DNAAF4: variants seen among roughly 807,000 people sequenced by gnomAD.
DNAAF4 encodes the protein dynein axonemal assembly factor 4.
In DNAAF4, 43 loss-of-function variants were observed where a neutral mutation model predicts 51.8. That is an observed-to-expected ratio of 0.83 (90% CI 0.65 to 1.07). DNAAF4 has a LOEUF of 1.07. DNAAF4 is among the 50% of genes least tolerant of loss of function. The pLI is 0.00. For synonymous variants in DNAAF4, 194 were observed against 165.6 expected, an observed-to-expected ratio of 1.17 and a Z score of -1.32; for missense variants, 581 against 493.0, an observed-to-expected ratio of 1.18 and a Z score of -1.69.
chr15:55,439,812 G>C (rs1341478385), intron 6 of DNAAF4, among the ~76,000 whole-genome samples: 1 of 152,060 alleles, frequency 6.6e-6, no homozygotes, highest in African/African-American at 2.4e-5. Context: ...GGTCATGAGA[G>C]GAGAGCTCCC....
chr15:55,507,094 G>A (rs575674869), intron 1 of DNAAF4, among the ~76,000 whole-genome samples: 9 of 152,100 alleles, frequency 5.9e-5, no homozygotes, highest in African/African-American at 9.6e-5. Flanking sequence ...CAGGTGATCC[G>A]TTCACTTCCA....
chr15:55,462,992 C>T (rs983375787), intron 5 of DNAAF4, among the ~76,000 whole-genome samples: 2 of 152,042 alleles, frequency 1.3e-5, no homozygotes, highest in African/African-American at 2.4e-5. Context: ...GCCAACATGG[C>T]GAAACCCTGT....
chr15:55,458,659 T>C lies in DNAAF4; in HGVS notation c.637+8271A>G, dbSNP rs559544305. On this transcript the variant is annotated intron_variant, in intron 5 of 9. Coordinates refer to ENST00000321149, the MANE Select transcript of DNAAF4 (RefSeq NM_130810.4). Reference sequence around the variant, plus strand: ...AAAACTTCCATGGTCTTGCTAGAGATCTAGACATCCAAATACAAGAAGCTC... The same window carrying C: ...AAAACTTCCATGGTCTTGCTAGAGACCTAGACATCCAAATACAAGAAGCTC... Among the ~76,000 whole-genome samples the C allele has an allele frequency of 1.4e-4, 21 of 152,262 alleles. 1 individual carries two copies. The South Asian group carries it at 4.4e-3, about 32-fold the overall frequency.
intron 3 of DNAAF4, among the ~76,000 whole-genome samples, chr15:55,496,749 T>C (rs918650794): frequency 6.6e-6 from 1 of 152,196 alleles, no homozygotes; most frequent in Non-Finnish European, 1.5e-5. Flanking sequence ...AAGCCTTTTT[T>C]TTTTTCTAAA....
At chr15:55,484,698 G>T (rs1203351718) in intron 4 of DNAAF4, among the ~76,000 whole-genome samples, 1 of 151,996 alleles carries the variant, frequency 6.6e-6, no homozygotes, top group African/African-American at 2.4e-5. Flanking sequence ...ACAATCACAA[G>T]GTATCACAAT....
intron 4 of DNAAF4, among the ~76,000 whole-genome samples, chr15:55,478,877 A>T (rs2058371230): frequency 6.6e-6 from 1 of 152,088 alleles, no homozygotes; most frequent in South Asian, 2.1e-4. Flanking sequence ...AAGAAGCCAA[A>T]ATTTTGGTCA....
chr15:55,494,320 C>T (rs560394605), intron 3 of DNAAF4, among the ~76,000 whole-genome samples: 4 of 152,216 alleles, frequency 2.6e-5, no homozygotes, highest in South Asian at 2.1e-4. Context: ...TGAGCCAGCG[C>T]GCCCGGCAAA....
chr15:55,453,172 A>C (rs114580512), intron 5 of DNAAF4, among the ~76,000 whole-genome samples: 1,524 of 152,280 alleles, frequency 0.01, 22 homozygotes, highest in African/African-American at 0.034. Flanking sequence ...CTGCTCACTA[A>C]TCTTAGAAAG....
intron 1 of DNAAF4, among the ~76,000 whole-genome samples, chr15:55,503,208 T>A (rs1290278698): frequency 6.6e-6 from 1 of 151,866 alleles, no homozygotes; most frequent in Non-Finnish European, 1.5e-5. Flanking sequence ...ACATACACCC[T>A]CCCAAAACTA....
chr15:55,425,530 C>T (rs551832308), downstream of DNAAF4, among the ~76,000 whole-genome samples: 60 of 152,212 alleles, frequency 3.9e-4, no homozygotes, highest in South Asian at 0.012. Flanking sequence ...AACTAAGCCT[C>T]GTTCCATGCT....
chr15:55,506,183 C>T (rs1009748951), intron 1 of DNAAF4, among the ~76,000 whole-genome samples: 3 of 151,906 alleles, frequency 2.0e-5, no homozygotes, highest in Non-Finnish European at 2.9e-5. Flanking sequence ...CCCTCTTTCT[C>T]AATAATAAAC....
intron 8 of DNAAF4, among the ~76,000 whole-genome samples, chr15:55,433,812 A>T (rs1418353068): frequency 2.3e-5 from 2 of 88,350 alleles, no homozygotes; most frequent in East Asian, 2.7e-4. Context: ...TTATATATAT[A>T]ATATATATTA....
At chr15:55,424,236 G>A (rs2057411438) in intron 7 of DNAAF4, among the ~76,000 whole-genome samples, 1 of 152,070 alleles carries the variant, frequency 6.6e-6, no homozygotes, top group Non-Finnish European at 1.5e-5. Context: ...CTTTCTTCTT[G>A]CATGCTGTCT....
rs191633418 is a variant in DNAAF4 at position 55,442,347 on chromosome 15, G to A, written c.784-2766C>T. ...TTGTCCAGACTGATCTTGAACTCCTGAGCTCAGGCAATCCACCCGCCTTGG... is the reference window on the plus strand; with the variant it reads ...TTGTCCAGACTGATCTTGAACTCCTAAGCTCAGGCAATCCACCCGCCTTGG... On this transcript the variant is annotated intron_variant, in intron 6 of 9. Coordinates refer to ENST00000321149, the MANE Select transcript of DNAAF4 (RefSeq NM_130810.4). Among the ~76,000 whole-genome samples the A allele has an allele frequency of 2.3e-3, 351 of 152,244 alleles. 8 individuals carry two copies. The highest frequency in any genetic ancestry group is 8.5e-4 in the Non-Finnish European group (58 of 68,016).
intron 3 of DNAAF4, among the ~76,000 whole-genome samples, chr15:55,494,414 A>C (rs1378353478): frequency 1.3e-5 from 2 of 151,404 alleles, no homozygotes; most frequent in Non-Finnish European, 3.0e-5. Flanking sequence ...GTGGTTTTTT[A>C]TTTTTTATTT....
intron 1 of DNAAF4, among the ~76,000 whole-genome samples, chr15:55,499,850 C>T (rs1257327959): frequency 6.6e-6 from 1 of 152,180 alleles, no homozygotes; most frequent in Non-Finnish European, 1.5e-5. Flanking sequence ...AACCTATACA[C>T]AAACCATTTT....
intron 6 of DNAAF4, among the ~76,000 whole-genome samples, chr15:55,440,645 C>G (rs1285280596): frequency 6.6e-6 from 1 of 150,670 alleles, no homozygotes. Flanking sequence ...GGATTACAGG[C>G]GTTGGGCCAC....
At chr15:55,447,466 T>C (rs1292381085) in intron 6 of DNAAF4, among the ~76,000 whole-genome samples, 3 of 151,882 alleles carry the variant, frequency 2.0e-5, no homozygotes, top group Admixed American at 1.3e-4. Context: ...ATCATGCCAC[T>C]GCACTCCAGT....
chr15:55,506,794 A>G (rs997037849), intron 1 of DNAAF4, among the ~76,000 whole-genome samples: 1 of 152,162 alleles, frequency 6.6e-6, no homozygotes, highest in Admixed American at 6.5e-5. Context: ...TGAAAAAAGC[A>G]AGTCAAATAA....
Sources: allele counts gnomAD v4.1 joint callset (sites outside exome capture counted in the v4.1 genomes callset), GRCh38; gene constraint gnomAD v4.1.1; transcripts MANE v1.5; gene names NCBI Gene and HGNC (gene_info 2026-07-23, HGNC 2026-07-21).